The following TMX3 variants were observed in gnomAD, a reference collection of about 807,000 sequenced individuals.
The protein encoded by TMX3 is thioredoxin related transmembrane protein 3, also known as protein disulfide-isomerase TMX3.
TMX3 carries 40 observed loss-of-function variants against 64.4 expected under a neutral mutation model. That is an observed-to-expected ratio of 0.62 (90% CI 0.48 to 0.81). TMX3 has a LOEUF of 0.81. Ranked by LOEUF, TMX3 falls within the 30% of genes least tolerant of loss-of-function variation. The pLI is 0.00. For synonymous variants in TMX3, 189 were observed against 175.7 expected, an observed-to-expected ratio of 1.08 and a Z score of -0.60; for missense variants, 497 against 534.5, an observed-to-expected ratio of 0.93 and a Z score of 0.69.
intron 6 of TMX3, among the ~76,000 whole-genome samples, chr18:68,698,407 C>G (rs1207089415): frequency 6.6e-6 from 1 of 152,060 alleles, no homozygotes; most frequent in African/African-American, 2.4e-5. Context: ...TTCAAAAGAT[C>G]ATTCACAAAA....
At chr18:68,678,696 G>C (rs1279343808) in intron 15 of TMX3, among the ~76,000 whole-genome samples, 1 of 152,100 alleles carries the variant, frequency 6.6e-6, no homozygotes, top group African/African-American at 2.4e-5. Context: ...AGTGAAGAAA[G>C]TCAAGGAAAT....
chr18:68,714,022 G>A, intron 1 of TMX3, 122 bp from the exon 2 acceptor site: 1 of 489,542 alleles, frequency 2.0e-6, no homozygotes, highest in South Asian at 4.4e-5. Flanking sequence ...CATCACTGAT[G>A]CATCCCAGGG....
rs769210080 is a variant in TMX3 at position 68,687,766 on chromosome 18, C to A, written c.638-1G>T. ...GATGACAGATCACCATCTTCATACT[C>A]TTAAAACCAAGACAAAGTTGACAAA... On this transcript the variant is annotated splice_acceptor_variant, in intron 9 of 15. Transcript: ENST00000299608. LOFTEE classifies it high-confidence loss of function. 6.2e-7 allele frequency: 1 copy of A among 1,601,062 alleles called. No individual in the cohort carries two copies. Among genetic ancestry groups the A allele is most frequent in the Non-Finnish European group, 8.5e-7 (1 of 1,175,650 alleles).
At chr18:68,694,161 G>A (rs917740669) in intron 8 of TMX3, among the ~76,000 whole-genome samples, 4 of 152,078 alleles carry the variant, frequency 2.6e-5, no homozygotes, top group African/African-American at 9.7e-5. Flanking sequence ...ATGCAAACAG[G>A]GCTGAAACAT....
chr18:68,697,475 G>A, intron 7 of TMX3, 172 bp from the exon 8 acceptor site: 1 of 428,052 alleles, frequency 2.3e-6, no homozygotes, highest in Non-Finnish European at 4.2e-6. Flanking sequence ...TGTTTCCAAG[G>A]CAAAGGCCAA....
intron 12 of TMX3, 117 bp downstream of exon 12, chr18:68,684,073 T>G (rs1344311214): frequency 1.3e-6 from 1 of 781,528 alleles, no homozygotes; most frequent in African/African-American, 1.7e-5. Flanking sequence ...TTACTGTTAT[T>G]TAACTTCATT....
Position 68,712,509 on chromosome 18 carries a change from C to CAATT in TMX3, c.102-1110_102-1107dup, listed in dbSNP as rs533953020. 3.4e-4 allele frequency among the ~76,000 whole-genome samples: 51 copies of CAATT among 152,238 alleles called. No homozygotes were observed. The East Asian group carries it at 8.3e-3, about 25-fold the overall frequency. ...CATCTGCTTGCTCTGGAGCAAGGAA[C>CAATT]AATTCATTTTCCACATTTAGCTGAC... On this transcript the variant is annotated intron_variant, in intron 2 of 15. Transcript: ENST00000299608.
rs1912888968 is a variant in TMX3 at position 68,675,896 on chromosome 18, G to T, written c.*1037C>A. The stretch of plus-strand genomic sequence containing the variant: ...TTACACCGGATGTGACTTGTCACTG[G>T]ACATGCTAATGTCAGTCGTTACTCC... On this transcript the variant is annotated 3_prime_UTR_variant, in exon 16 of 16. Transcript: ENST00000299608. 1 of 152,062 alleles carries T rather than the reference G, an allele frequency of 6.6e-6. No individual in the cohort carries two copies. Among genetic ancestry groups the T allele is most frequent in the South Asian group, 2.1e-4 (1 of 4,826 alleles). 9.4% of individuals were successfully genotyped at this position (152,062 alleles called of 1,614,324 possible). A position where few individuals can be genotyped will look rare whatever the true frequency, so the allele number is the denominator to read the frequency against.
intron 1 of TMX3, 144 bp downstream of exon 1, chr18:68,714,792 G>GGCA: frequency 8.6e-7 from 1 of 1,158,376 alleles, no homozygotes; most frequent in Non-Finnish European, 1.2e-6. Context: ...GTGGCGCGGC[G>GGCA]GGGGCGGCAG....
chr18:68,705,182 C>T (rs924820917), intron 4 of TMX3, among the ~76,000 whole-genome samples: 1 of 152,034 alleles, frequency 6.6e-6, no homozygotes, highest in Admixed American at 6.6e-5. Flanking sequence ...GAGGGAAGCT[C>T]CTAAACATCC....
rs1477386466 is a variant in TMX3 at position 68,693,584 on chromosome 18, G to A, written c.571-2223C>T. ...GGTGTGTGTGTGTGCTTGGCGCGGC[G>A]CTGACGTGCCAGCTCCCAACAGTGC... On this transcript the variant is annotated intron_variant, in intron 8 of 15. Coordinates refer to ENST00000299608, the MANE Select transcript of TMX3 (RefSeq NM_019022.5). Among the ~76,000 whole-genome samples, 7 of 152,254 alleles carry A rather than the reference G, an allele frequency of 4.6e-5. No homozygotes were observed. In the South Asian group the frequency reaches 1.2e-3, roughly 27 times the overall value.
Position 68,677,065 on chromosome 18 carries a change from T to C in TMX3, c.1233A>G (p.Glu411=), listed in dbSNP as rs998221569. The C allele has an allele frequency of 5.0e-6, 8 of 1,613,864 alleles. No individual in the cohort carries two copies. Among genetic ancestry groups the C allele is most frequent in the Non-Finnish European group, 6.8e-6 (8 of 1,179,828 alleles). ...TDGGYIEERY[E]VSKSENENQE... ...GGTTTTCATTTTCACTTTTAGACAC[T>C]TCATATCGTTCTTCTATATAACCTC... is the stretch of plus-strand genomic sequence containing the variant. The change falls in exon 16 of 16, where the codon GAA becomes GAG. Residue 411 remains glutamate (E), a synonymous_variant. Coordinates refer to ENST00000299608, the MANE Select transcript of TMX3 (RefSeq NM_019022.5).
Position 68,700,397 on chromosome 18 carries a change from T to A in TMX3, c.392+8A>T, listed in dbSNP as rs2029918249. ...AACATACAGTAAAGGCCTTTCCTAA[T>A]AACTTACCCAGATACTCTGTGAGCA... On this transcript the variant is annotated splice_region_variant and intron_variant, in intron 6 of 15. Coordinates refer to ENST00000299608, the MANE Select transcript of TMX3 (RefSeq NM_019022.5). 1 of 1,546,668 alleles carries A rather than the reference T, an allele frequency of 6.5e-7. No individual in the cohort carries two copies. Among genetic ancestry groups the A allele is most frequent in the Non-Finnish European group, 8.7e-7 (1 of 1,146,300 alleles).
At chr18:68,703,170 T>C (rs1321760194) in intron 4 of TMX3, among the ~76,000 whole-genome samples, 1 of 152,152 alleles carries the variant, frequency 6.6e-6, no homozygotes, top group African/African-American at 2.4e-5. Flanking sequence ...GGAGATTATG[T>C]GAATAACGAA....
At chr18:68,691,202 A>G in intron 9 of TMX3, 93 bp downstream of exon 9, 2 of 801,012 alleles carry the variant, frequency 2.5e-6, no homozygotes. Context: ...CTCATTGAAC[A>G]GTAGAAGCAT....
At chr18:68,701,333 C>G (rs2030038894) in intron 5 of TMX3, among the ~76,000 whole-genome samples, 1 of 152,018 alleles carries the variant, frequency 6.6e-6, no homozygotes, top group African/African-American at 2.4e-5. Flanking sequence ...CATGATAAAA[C>G]AAGTCCTTTA....
rs116186173 is a variant in TMX3, at chr18:68,714,853, C to T, written c.46+83G>A. 4,749 of 1,536,142 alleles carry T rather than the reference C, an allele frequency of 3.1e-3. 108 individuals carry two copies. The African/African-American group carries it at 0.058, about 19-fold the overall frequency. On this transcript the variant is annotated intron_variant, in intron 1 of 15. Coordinates refer to ENST00000299608, the MANE Select transcript of TMX3 (RefSeq NM_019022.5). Reference sequence around the variant, plus strand: ...CTCCACGAACCCCGCAGGCCTCGCCCCAGACCCGGGTCCAATCCCGGCCCC... The same window carrying T: ...CTCCACGAACCCCGCAGGCCTCGCCTCAGACCCGGGTCCAATCCCGGCCCC...
chr18:68,676,990 TC>T lies in TMX3; in HGVS notation c.1307del (p.Gly436AspfsTer3), dbSNP rs756303681. On this transcript the variant is annotated frameshift_variant, in exon 16 of 16. Coordinates refer to ENST00000299608, the MANE Select transcript of TMX3 (RefSeq NM_019022.5). LOFTEE classifies it high-confidence loss of function. The stretch of plus-strand genomic sequence containing the variant: ...GCTCCTGCACTGTAGGCACTACAGA[TC>T]CTCCACTGCTGGGCTCCTGCTGTTC... ...SKEQQEPSSGGSVVPTVQEPK... is the reference protein window; with the variant it reads ...SKEQQEPSSGXSVVPTVQEPK... The T allele has an allele frequency of 6.2e-7, 1 of 1,613,826 alleles. No individual in the cohort carries two copies. Among genetic ancestry groups the T allele is most frequent in the Non-Finnish European group, 8.5e-7 (1 of 1,179,806 alleles).
intron 2 of TMX3, among the ~76,000 whole-genome samples, chr18:68,711,882 T>G (rs773396116): frequency 6.6e-6 from 1 of 152,174 alleles, no homozygotes; most frequent in Non-Finnish European, 1.5e-5. Flanking sequence ...GAGGAATTCC[T>G]GTGCTGGGAT....
Sources: allele counts gnomAD v4.1 joint callset (sites outside exome capture counted in the v4.1 genomes callset), GRCh38; gene constraint gnomAD v4.1.1; transcripts MANE v1.5; gene names NCBI Gene and HGNC (gene_info 2026-07-23, HGNC 2026-07-21).